The following CRYBA1 variants were observed in gnomAD, a reference collection of about 807,000 sequenced individuals.
CRYBA1 encodes the protein beta-crystallin A3.
Under a neutral mutation model 36.2 loss-of-function variants are expected in CRYBA1, and 25 were observed. The ratio of observed to expected loss-of-function variants is 0.69; its 90% confidence interval spans 0.50 to 0.97. The LOEUF is 0.97. CRYBA1 is among the 50% of genes least tolerant of loss of function. The probability of loss-of-function intolerance (pLI) is 0.00; values close to 1 mark genes in which losing one functional copy is unlikely to be tolerated. For synonymous variants in CRYBA1, 111 were observed against 90.0 expected (o/e 1.23, Z -1.32); for missense variants, 224 against 276.3 (o/e 0.81, Z 1.34).
intron 2 of CRYBA1, 114 bp from the exon 3 acceptor site, chr17:29,250,068 C>T (rs1195855016): frequency 1.3e-6 from 1 of 774,116 alleles, no homozygotes; most frequent in African/African-American, 1.7e-5. Context: ...ATCAGGCATC[C>T]CAGGCTACAG....
chr17:29,253,226 A>G (rs1370232029), intron 4 of CRYBA1, among the ~76,000 whole-genome samples: 1 of 152,204 alleles, frequency 6.6e-6, no homozygotes, highest in Non-Finnish European at 1.5e-5. Context: ...CTTGTGTAGT[A>G]TTCATGTCCC....
intron 2 of CRYBA1, among the ~76,000 whole-genome samples, chr17:29,249,448 T>C (rs907945827): frequency 7.9e-5 from 12 of 152,134 alleles, no homozygotes; most frequent in African/African-American, 2.9e-4. Context: ...TCCTAACTCC[T>C]CTCTCCTCCC....
In CRYBA1 at chr17:29,254,405, TC is replaced by T; in HGVS notation, c.*57del. ...TCAAGCATGAGACCTTGCTAAGCAC[TC>T]TAGAATAAGTTTTATGTTCTGCTCA... On this transcript the variant is annotated 3_prime_UTR_variant, in exon 6 of 6. Coordinates refer to ENST00000225387, the MANE Select transcript of CRYBA1 (RefSeq NM_005208.5). 6.3e-7 allele frequency: 1 copy of T among 1,576,402 alleles called. No homozygotes were observed. The highest frequency in any genetic ancestry group is 8.7e-7 in the Non-Finnish European group (1 of 1,146,146).
At chr17:29,249,975 C>T (rs1023777877) in intron 2 of CRYBA1, among the ~76,000 whole-genome samples, 3 of 152,242 alleles carry the variant, frequency 2.0e-5, no homozygotes, top group East Asian at 3.8e-4. Context: ...CCCTCCACCT[C>T]ATCCCTACTC....
In CRYBA1 at chr17:29,252,108, T is replaced by C. The variant is rs769750890; in HGVS notation, c.260T>C (p.Ile87Thr). Residue 87 changes from isoleucine to threonine, a missense_variant, in exon 4 of 6, where the codon ATC (isoleucine) becomes ACC (threonine). Transcript: ENST00000225387. The stretch of plus-strand genomic sequence containing the variant: ...ACCAGCTTCTGTGGGCAACAGTTTA[T>C]CCTGGAGAGAGGAGAATACCCTCGC... The part of the protein sequence containing the change: ...EHTSFCGQQF[I>T]LERGEYPRWD... 92 of 1,614,050 alleles carry C rather than the reference T, an allele frequency of 5.7e-5. No homozygotes were observed. Among genetic ancestry groups the C allele is most frequent in the Non-Finnish European group, 7.8e-5 (92 of 1,180,036 alleles).
chr17:29,250,196 T>C lies in CRYBA1; in HGVS notation c.111T>C (p.Asp37=), dbSNP rs2068926971. The C allele has an allele frequency of 6.3e-7, 1 of 1,594,186 alleles. No homozygotes were observed. The change falls in exon 3 of 6, where the codon GAT becomes GAC. Residue 37 remains aspartate (D), a synonymous_variant. Transcript: ENST00000225387. ...SLGPWKITIY[D]QENFQGKRME... is the part of the protein sequence containing the mutation. Reference sequence around the variant, plus strand: ...TCTCATTTCAGATAACCATCTATGATCAGGAGAACTTTCAGGGCAAGAGGA... The same window carrying C: ...TCTCATTTCAGATAACCATCTATGACCAGGAGAACTTTCAGGGCAAGAGGA...
At chr17:29,249,085 C>T in intron 1 of CRYBA1, 57 bp from the exon 2 acceptor site, 1 of 1,156,524 alleles carries the variant, frequency 8.6e-7, no homozygotes, top group Non-Finnish European at 1.3e-6. Flanking sequence ...CAAGGCATTC[C>T]CTCACCTCCC....
intron 3 of CRYBA1, among the ~76,000 whole-genome samples, chr17:29,250,714 C>T (rs963148112): frequency 6.6e-6 from 1 of 152,028 alleles, no homozygotes; most frequent in African/African-American, 2.4e-5. Flanking sequence ...CCTGCATATC[C>T]CAGAGCAGAC....
In CRYBA1 at chr17:29,254,321, T is replaced by C; in HGVS notation, c.620T>C (p.Ile207Thr). Residue 207 changes from isoleucine (I) to threonine (T), a missense_variant, in exon 6 of 6, where the codon ATC becomes ACC. Transcript: ENST00000225387. ...GGCTCTCATGCCCAGACTTCGCAGA[T>C]CCAATCGATTCGCCGAATCCAACAG... ...EWGSHAQTSQ[I>T]QSIRRIQQ 1 of 1,614,134 alleles carries C rather than the reference T, an allele frequency of 6.2e-7. No homozygotes were observed. The highest frequency in any genetic ancestry group is 8.5e-7 in the Non-Finnish European group (1 of 1,180,018).
chr17:29,253,262 A>T (rs1000194053), intron 4 of CRYBA1, among the ~76,000 whole-genome samples: 1 of 152,232 alleles, frequency 6.6e-6, no homozygotes, highest in Non-Finnish European at 1.5e-5. Context: ...GTTATATCCA[A>T]CAACACACAT....
At chr17:29,250,888 C>CT (rs1295534967) in intron 3 of CRYBA1, among the ~76,000 whole-genome samples, 1 of 152,184 alleles carries the variant, frequency 6.6e-6, no homozygotes, top group Non-Finnish European at 1.5e-5. Flanking sequence ...TAGTTGAGGC[C>CT]TTTATCATTA....
intron 3 of CRYBA1, 110 bp from the exon 4 acceptor site, chr17:29,251,954 T>G (rs1355788100): frequency 7.3e-7 from 1 of 1,363,100 alleles, no homozygotes. Flanking sequence ...TCTACTGGGA[T>G]TGGCTTGATA....
At chr17:29,253,016 C>T (rs1208688985) in intron 4 of CRYBA1, among the ~76,000 whole-genome samples, 1 of 152,162 alleles carries the variant, frequency 6.6e-6, no homozygotes, top group Non-Finnish European at 1.5e-5. Context: ...CAGTAAAATG[C>T]ACAGACCCTA....
At chr17:29,248,998 G>A (rs1036968735) in intron 1 of CRYBA1, 144 bp from the exon 2 acceptor site, 12 of 694,604 alleles carry the variant, frequency 1.7e-5, no homozygotes, top group African/African-American at 7.0e-5. Context: ...AACAAACCCC[G>A]AGGCACAGCT....
chr17:29,252,299 C>T, intron 4 of CRYBA1, 94 bp downstream of exon 4: 1 of 1,513,612 alleles, frequency 6.6e-7, no homozygotes. Flanking sequence ...ATCAGTTATG[C>T]TGAATGTGGC....
rs545522643 is a variant in CRYBA1 at position 29,249,004 on chromosome 17, C to G, written c.32-138C>G. On this transcript the variant is annotated intron_variant, in intron 1 of 5. Coordinates refer to ENST00000225387, the MANE Select transcript of CRYBA1 (RefSeq NM_005208.5). Reference sequence around the variant, plus strand: ...AACAACAACAACAAACCCCGAGGCACAGCTAGTGAGCAGCAGAGCCAGAAT... The same window carrying G: ...AACAACAACAACAAACCCCGAGGCAGAGCTAGTGAGCAGCAGAGCCAGAAT... 1.6e-5 allele frequency: 11 copies of G among 709,146 alleles called. No individual in the cohort carries two copies. In the African/African-American group the frequency reaches 1.9e-4, roughly 12 times the overall value. The allele number at this position is 709,146 out of a possible 1,614,324, so 43.9% of individuals were successfully genotyped here.
At chr17:29,251,984 T>TA in intron 3 of CRYBA1, 80 bp from the exon 4 acceptor site, 1 of 1,589,410 alleles carries the variant, frequency 6.3e-7, no homozygotes, top group Non-Finnish European at 8.6e-7. Context: ...ACTATTGACT[T>TA]ATCTAAAACG....
chr17:29,247,808 C>T (rs1472500194), intron 1 of CRYBA1, among the ~76,000 whole-genome samples: 1 of 152,194 alleles, frequency 6.6e-6, no homozygotes, highest in East Asian at 1.9e-4. Flanking sequence ...TGGGTAGGAT[C>T]TAGGAGATAG....
chr17:29,251,471 GTGATT>G (rs2068934987), intron 3 of CRYBA1, among the ~76,000 whole-genome samples: 2 of 152,114 alleles, frequency 1.3e-5, no homozygotes, highest in Admixed American at 1.3e-4. Flanking sequence ...TAGAGAATAG[GTGATT>G]TGGAGAAAAA....
Sources: allele counts gnomAD v4.1 joint callset (sites outside exome capture counted in the v4.1 genomes callset), GRCh38; gene constraint gnomAD v4.1.1; transcripts MANE v1.5; gene names NCBI Gene and HGNC (gene_info 2026-07-23, HGNC 2026-07-21).